Variants in CSMD1 observed in about 807,000 individuals in gnomAD.
CSMD1 encodes CUB and sushi domain-containing protein 1.
A neutral mutation model predicts 417.5 loss-of-function variants in CSMD1; 213 were observed. The observed-to-expected ratio is 0.51, with a 90% confidence interval of 0.46 to 0.57. The LOEUF (loss-of-function observed/expected upper bound fraction) is 0.57. Among genes scored for constraint, CSMD1 ranks in the 20% least tolerant of loss-of-function variants. The pLI is 0.00. For missense variants in CSMD1, 6,923 were observed against 4,529.7 expected (o/e 1.53, Z -15.17); for synonymous variants, 2,862 against 1,736.8 (o/e 1.65, Z -16.11).
intron 5 of CSMD1, among the ~76,000 whole-genome samples, chr8:3,836,563 G>A (rs1010836036): frequency 2.0e-5 from 3 of 152,076 alleles, no homozygotes; most frequent in Non-Finnish European, 4.4e-5. Context: ...GAAAAGTGGT[G>A]ATATTGAAGC....
chr8:3,074,119 T>A (rs187285008), intron 49 of CSMD1, among the ~76,000 whole-genome samples: 1 of 152,188 alleles, frequency 6.6e-6, no homozygotes, highest in Non-Finnish European at 1.5e-5. Flanking sequence ...GTTTCTTGCA[T>A]TTGCGCAGCT....
At chr8:4,924,472 C>G (rs1293822121) in intron 1 of CSMD1, among the ~76,000 whole-genome samples, 1 of 152,118 alleles carries the variant, frequency 6.6e-6, no homozygotes, top group African/African-American at 2.4e-5. Context: ...CCTGTAATCT[C>G]AGTACTTTGA....
chr8:3,847,693 A>G (rs566397478), intron 5 of CSMD1, among the ~76,000 whole-genome samples: 1 of 152,192 alleles, frequency 6.6e-6, no homozygotes, highest in African/African-American at 2.4e-5. Context: ...CAGCCATGGA[A>G]AAACTAATAC....
intron 5 of CSMD1, among the ~76,000 whole-genome samples, chr8:3,899,499 G>A (rs1212813443): frequency 2.1e-4 from 32 of 152,120 alleles, no homozygotes; most frequent in Admixed American, 2.1e-3. Context: ...GACCTGGAAG[G>A]ACCCTCATTT....
intron 5 of CSMD1, among the ~76,000 whole-genome samples, chr8:3,825,327 C>G (rs967621932): frequency 3.5e-4 from 54 of 152,184 alleles, no homozygotes; most frequent in African/African-American, 1.3e-3. Context: ...GTCAGGAGCT[C>G]GAGACCAGCT....
intron 3 of CSMD1, among the ~76,000 whole-genome samples, chr8:4,355,243 G>A (rs1041416033): frequency 6.6e-6 from 1 of 151,536 alleles, no homozygotes; most frequent in Non-Finnish European, 1.5e-5. Flanking sequence ...GCCTGGGTAA[G>A]AAACTCCATT....
chr8:3,154,259 C>A (rs1408258066), intron 39 of CSMD1, among the ~76,000 whole-genome samples: 1 of 152,218 alleles, frequency 6.6e-6, no homozygotes, highest in Non-Finnish European at 1.5e-5. Flanking sequence ...AGGCCTGAGC[C>A]ACTGTGCCCA....
intron 1 of CSMD1, among the ~76,000 whole-genome samples, chr8:4,955,752 G>A (rs755397110): frequency 3.4e-5 from 4 of 116,744 alleles, no homozygotes; most frequent in Non-Finnish European, 5.7e-5. Context: ...CACCACGCCC[G>A]GGCCCTCTCT....
intron 3 of CSMD1, among the ~76,000 whole-genome samples, chr8:4,035,003 G>C (rs139078101): frequency 3.9e-5 from 6 of 152,282 alleles, no homozygotes; most frequent in African/African-American, 1.2e-4. Flanking sequence ...TCTGTTAAAA[G>C]GGCCTGAAAT....
intron 3 of CSMD1, among the ~76,000 whole-genome samples, chr8:4,172,407 C>G (rs1238381716): frequency 6.6e-6 from 1 of 152,102 alleles, no homozygotes; most frequent in Non-Finnish European, 1.5e-5. Context: ...CAGTGGGTCT[C>G]ATGGCTCCCG....
chr8:4,599,960 G>A (rs545815582), intron 2 of CSMD1, among the ~76,000 whole-genome samples: 7 of 152,126 alleles, frequency 4.6e-5, no homozygotes, highest in Non-Finnish European at 4.4e-5. Flanking sequence ...CATATGCTCT[G>A]TCCATCCACC....
intron 3 of CSMD1, among the ~76,000 whole-genome samples, chr8:4,376,122 T>C (rs13251340): frequency 0.83 from 125,667 of 152,284 alleles, 52,291 homozygotes; most frequent in African/African-American, 0.92. Flanking sequence ...TATCAAAAGA[T>C]ATGGAAATGC....
intron 3 of CSMD1, among the ~76,000 whole-genome samples, chr8:4,160,404 C>G (rs1647294): frequency 6.6e-6 from 1 of 152,188 alleles, no homozygotes; most frequent in South Asian, 2.1e-4. Flanking sequence ...TATATATACG[C>G]AACTTTAAAT....
At chr8:4,637,594 T>A (rs924026090) in intron 1 of CSMD1, 36 bp from the exon 2 acceptor site, 2 of 1,372,938 alleles carry the variant, frequency 1.5e-6, no homozygotes, top group African/African-American at 2.9e-5. Flanking sequence ...AGCATATTAT[T>A]CTGGCCATCT....
At chr8:3,792,271 T>C (rs989299843) in intron 5 of CSMD1, among the ~76,000 whole-genome samples, 7 of 151,904 alleles carry the variant, frequency 4.6e-5, no homozygotes, top group Non-Finnish European at 1.0e-4. Context: ...CCAGCCTGGG[T>C]GACAGAGAGA....
chr8:3,365,020 C>T (rs1418231462), intron 20 of CSMD1, among the ~76,000 whole-genome samples: 3 of 152,050 alleles, frequency 2.0e-5, no homozygotes, highest in African/African-American at 4.8e-5. Flanking sequence ...CTGCCATTTT[C>T]TTTTTTTGGA....
In CSMD1 at chr8:3,071,487, C is replaced by T. The variant is rs138215103; in HGVS notation, c.7474+15610G>A. 1.1e-3 allele frequency among the ~76,000 whole-genome samples: 164 copies of T among 152,200 alleles called. 5 individuals are homozygous for T. The East Asian group carries it at 0.03, about 28-fold the overall frequency. On this transcript the variant is annotated intron_variant, in intron 49 of 69. Coordinates refer to ENST00000635120, the MANE Select transcript of CSMD1 (RefSeq NM_033225.6). ...TGCCTATGTAACAAACCTGCACATT[C>T]TGCACATGTATCCCAGAACTTAAAA...
chr8:4,123,038 T>C (rs115785585), intron 3 of CSMD1, among the ~76,000 whole-genome samples: 123 of 152,330 alleles, frequency 8.1e-4, no homozygotes, highest in African/African-American at 2.5e-3. Context: ...GAGACTGGAA[T>C]TTTTCTGTGT....
chr8:3,294,856 A>G (rs1008271866), intron 25 of CSMD1, among the ~76,000 whole-genome samples: 3 of 152,046 alleles, frequency 2.0e-5, no homozygotes, highest in African/African-American at 7.2e-5. Context: ...GACACTCCCC[A>G]GTGAGATGTA....
Sources: gnomAD v4.1 joint callset for allele counts (sites outside exome capture counted in the v4.1 genomes callset) on GRCh38, gnomAD v4.1.1 for gene constraint, MANE v1.5 for transcripts, NCBI Gene and HGNC (gene_info 2026-07-23, HGNC 2026-07-21) for gene names.